Variants in ZNF736 observed in about 807,000 individuals in gnomAD.
ZNF736 encodes KRAB-containing zinc-finger repressor protein.
In ZNF736, 6 loss-of-function variants were observed where a neutral mutation model predicts 11.7. The ratio of observed to expected loss-of-function variants is 0.51; its 90% CI spans 0.28 to 1.01. The LOEUF is 1.01. ZNF736 is among the 50% of genes least tolerant of loss of function. ZNF736 has a pLI of 0.09. For synonymous variants in ZNF736, 139 were observed against 164.7 expected, an observed-to-expected ratio of 0.84 and a Z score of 1.19; for missense variants, 444 against 496.0, an observed-to-expected ratio of 0.90 and a Z score of 1.00.
At chr7:64,315,810 C>CT (rs2115857357) in intron 1 of ZNF736, among the ~76,000 whole-genome samples, 1 of 152,318 alleles carries the variant, frequency 6.6e-6, no homozygotes, top group East Asian at 1.9e-4. Context: ...CAAATGCCAA[C>CT]TATCCCTCTC....
intron 1 of ZNF736, among the ~76,000 whole-genome samples, chr7:64,325,181 A>G (rs1287700135): frequency 6.7e-6 from 1 of 149,984 alleles, no homozygotes; most frequent in African/African-American, 2.4e-5. Flanking sequence ...AAAAAAAAAA[A>G]GTTGGAAAAA....
chr7:64,319,329 A>ATG (rs374489237), intron 1 of ZNF736, among the ~76,000 whole-genome samples: 3,846 of 50,450 alleles, frequency 0.076, 273 homozygotes, highest in African/African-American at 0.083. Flanking sequence ...GTGTGTGTGT[A>ATG]TGTGTATATA....
At chr7:64,322,132 A>G (rs535167730) in intron 1 of ZNF736, among the ~76,000 whole-genome samples, 1 of 152,164 alleles carries the variant, frequency 6.6e-6, no homozygotes, top group African/African-American at 2.4e-5. Flanking sequence ...AGAAATGTCC[A>G]CATTGTTTTT....
intron 1 of ZNF736, among the ~76,000 whole-genome samples, chr7:64,327,991 G>A (rs1004927788): frequency 6.6e-6 from 1 of 152,122 alleles, no homozygotes; most frequent in African/African-American, 2.4e-5. Context: ...GGTAGAGAAA[G>A]AGTTATTACT....
intron 1 of ZNF736, among the ~76,000 whole-genome samples, chr7:64,335,093 T>C (rs1402781991): frequency 1.3e-5 from 2 of 152,036 alleles, no homozygotes; most frequent in South Asian, 2.1e-4. Flanking sequence ...ATTCAAACAA[T>C]GAGAACACAT....
intron 1 of ZNF736, among the ~76,000 whole-genome samples, chr7:64,329,674 T>C (rs1789133252): frequency 6.6e-6 from 1 of 152,198 alleles, no homozygotes; most frequent in Non-Finnish European, 1.5e-5. Context: ...CTAGCACCCC[T>C]GTGGCCACCA....
chr7:64,331,580 T>C (rs1789166528), intron 1 of ZNF736, among the ~76,000 whole-genome samples: 1 of 152,218 alleles, frequency 6.6e-6, no homozygotes, highest in Admixed American at 6.5e-5. Flanking sequence ...TCATTCTATT[T>C]GGTGTTTTAT....
At chr7:64,341,312 C>CTT (rs72101540) in intron 3 of ZNF736, among the ~76,000 whole-genome samples, 7 of 148,746 alleles carry the variant, frequency 4.7e-5, no homozygotes, top group East Asian at 3.9e-4. Context: ...TGTTTTCTGT[C>CTT]TTTTTTTTTT....
At chr7:64,343,157 C>T (rs1789361917) in intron 3 of ZNF736, among the ~76,000 whole-genome samples, 1 of 152,142 alleles carries the variant, frequency 6.6e-6, no homozygotes, top group African/African-American at 2.4e-5. Context: ...GACATGAAAT[C>T]ACTCTAGTTG....
At chr7:64,322,025 T>C (rs1354291503) in intron 1 of ZNF736, among the ~76,000 whole-genome samples, 2 of 32,678 alleles carry the variant, frequency 6.1e-5, no homozygotes, top group African/African-American at 1.2e-4. Flanking sequence ...CTGTATGTTG[T>C]TGAACTACAG....
Position 64,349,264 on chromosome 7 carries a change from T to C in ZNF736, c.*117T>C. 3 of 953,304 alleles carry C rather than the reference T, an allele frequency of 3.1e-6. No individual in the cohort carries two copies. The highest frequency in any genetic ancestry group is 1.7e-5 in the African/African-American group (1 of 60,602). 59.1% of individuals were successfully genotyped at this position (953,304 alleles called of 1,614,324 possible). A position where few individuals can be genotyped will look rare whatever the true frequency, so the allele number is the denominator to read the frequency against. ...GAAGAACATTTATCATCTTAGAGGG[T>C]CTCTAAGAACTTACTTTATAATCTG... On this transcript the variant is annotated 3_prime_UTR_variant, in exon 4 of 4. Coordinates refer to ENST00000423484, the MANE Select transcript of ZNF736 (RefSeq NM_001170905.3).
chr7:64,324,453 C>A (rs1181038353), intron 1 of ZNF736, among the ~76,000 whole-genome samples: 1 of 152,158 alleles, frequency 6.6e-6, no homozygotes, highest in Non-Finnish European at 1.5e-5. Flanking sequence ...CCAGGGTCAA[C>A]AGGAACTGAG....
rs1445822621 is a variant in ZNF736, at chr7:64,340,164, G to C, written c.226+3182G>C. On this transcript the variant is annotated intron_variant, in intron 3 of 3. Transcript: ENST00000423484. ...GTGCCTGATGTGTGTTTCTTACTGA[G>C]TATGTGGCAAGATTTCCCCAAGTAA... is the stretch of plus-strand genomic sequence containing the variant. 5.3e-5 allele frequency among the ~76,000 whole-genome samples: 8 copies of C among 152,190 alleles called. No individual in the cohort carries two copies. In the East Asian group the frequency reaches 1.3e-3, roughly 26 times the overall value.
chr7:64,323,429 T>G (rs1789029124), intron 1 of ZNF736, among the ~76,000 whole-genome samples: 1 of 36,590 alleles, frequency 2.7e-5, no homozygotes, highest in African/African-American at 8.9e-5. Flanking sequence ...AGTATATTGT[T>G]TTTAAAAGTA....
At chr7:64,331,315 T>C (rs1789162251) in intron 1 of ZNF736, among the ~76,000 whole-genome samples, 1 of 152,216 alleles carries the variant, frequency 6.6e-6, no homozygotes. Flanking sequence ...TGCCCCATGC[T>C]GCTTTCTGCT....
At position 64,341,970 on chromosome 7, in the gene ZNF736, T is replaced by C. The variant is rs117715088; in HGVS notation, c.226+4988T>C. ...ATTGGGAGGCTGTTCTCCAATGGAA[T>C]TGATTCTTGAAAAGCCTCTTAATGT... On this transcript the variant is annotated intron_variant, in intron 3 of 3. Transcript: ENST00000423484. Among the ~76,000 whole-genome samples the C allele has an allele frequency of 2.4e-3, 357 of 149,252 alleles. 13 individuals carry two copies. The highest frequency in any genetic ancestry group is 0.017 in the Admixed American group (251 of 15,038).
intron 3 of ZNF736, among the ~76,000 whole-genome samples, chr7:64,345,403 A>G (rs1789396207): frequency 6.6e-6 from 1 of 151,740 alleles, no homozygotes; most frequent in South Asian, 2.1e-4. Context: ...TCACAATGTT[A>G]TGTCTTCCAA....
At chr7:64,318,305 A>G (rs61062102) in intron 1 of ZNF736, among the ~76,000 whole-genome samples, 7,362 of 152,098 alleles carry the variant, frequency 0.048, 456 homozygotes, top group East Asian at 0.35. Flanking sequence ...ATGAATAGCC[A>G]TCATTTAATG....
At chr7:64,345,850 T>C (rs1789403771) in intron 3 of ZNF736, among the ~76,000 whole-genome samples, 1 of 152,180 alleles carries the variant, frequency 6.6e-6, no homozygotes, top group African/African-American at 2.4e-5. Flanking sequence ...TAATTGTCCG[T>C]AAAATTTCAA....
Sources: allele counts gnomAD v4.1 joint callset (sites outside exome capture counted in the v4.1 genomes callset), GRCh38; gene constraint gnomAD v4.1.1; transcripts MANE v1.5; gene names NCBI Gene and HGNC (gene_info 2026-07-23, HGNC 2026-07-21).